PLPPR4: variants seen among roughly 807,000 people sequenced by gnomAD.
PLPPR4 encodes phospholipid phosphatase related 4.
Under a neutral mutation model 56.6 loss-of-function variants are expected in PLPPR4, and 24 were observed. The ratio of observed to expected loss-of-function variants is 0.42; its 90% confidence interval spans 0.31 to 0.60. The LOEUF (loss-of-function observed/expected upper bound fraction) is 0.60, where lower values mean the gene tolerates loss of function less well. Ranked by LOEUF, PLPPR4 falls within the 20% of genes least tolerant of loss-of-function variation. The pLI is 0.13. For synonymous variants in PLPPR4, 326 were observed against 328.1 expected, an observed-to-expected ratio of 0.99 and a Z score of 0.07; for missense variants, 654 against 885.8, an observed-to-expected ratio of 0.74 and a Z score of 3.32.
In PLPPR4 at chr1:99,306,950, C is replaced by G. The variant is rs773407458; in HGVS notation, c.2088C>G (p.Pro696=). Reference sequence around the variant, plus strand: ...TAATCCCTGAAAGAAGCAACAGCCCCGAAAACACTAGAAATATCTTCTACA... The same window carrying G: ...TAATCCCTGAAAGAAGCAACAGCCCGGAAAACACTAGAAATATCTTCTACA... ...IILIPERSNS[P]ENTRNIFYKG... is the part of the protein sequence containing the mutation. Residue 696 remains proline (P), a synonymous_variant, in exon 7 of 7, where the codon CCC becomes CCG. Transcript: ENST00000370185. The surrounding 1 kb of genome is among the most constrained non-coding windows in gnomAD (Gnocchi z 4.0). The G allele has an allele frequency of 3.7e-6, 6 of 1,613,140 alleles. No homozygotes were observed. The highest frequency in any genetic ancestry group is 5.1e-6 in the Non-Finnish European group (6 of 1,179,952).
At chr1:99,278,203 GGAAGCCAGATTTCTTGA>G (rs1255191824) in intron 1 of PLPPR4, among the ~76,000 whole-genome samples, 2 of 152,092 alleles carry the variant, frequency 1.3e-5, no homozygotes, top group Admixed American at 6.6e-5. Context: ...ACATGAATTG[GGAAGCCAGATTTCTTGA>G]GTTTGTAATC....
In PLPPR4 at chr1:99,296,671, C is replaced by T. The variant is rs1659749513; in HGVS notation, c.265-67C>T. On this transcript the variant is annotated intron_variant, in intron 2 of 6. Transcript: ENST00000370185. ...TATGTTAAAAAGTGATATATAATTC[C>T]TTTATACCTGTTGGCTTAATAGGTA... 3.7e-6 allele frequency: 5 copies of T among 1,344,720 alleles called. No homozygotes were observed. The Admixed American group carries it at 6.7e-5, about 18-fold the overall frequency. The allele number at this position is 1,344,720 out of a possible 1,614,324, so 83.3% of individuals were successfully genotyped here. A position where few individuals can be genotyped will look rare whatever the true frequency, so the allele number is the denominator to read the frequency against.
chr1:99,287,495 T>TA (rs1468504014), intron 1 of PLPPR4, among the ~76,000 whole-genome samples: 6 of 152,194 alleles, frequency 3.9e-5, no homozygotes, highest in Non-Finnish European at 2.9e-5. Flanking sequence ...TAAACTAATT[T>TA]ACATTCCCAC....
At position 99,293,081 on chromosome 1, in the gene PLPPR4, T is replaced by C. The variant is rs190504075; in HGVS notation, c.265-3657T>C. Reference sequence around the variant, plus strand: ...AGAACTCTCCGTTTGGGAATGAGTGTCCAAAAGGACTTGTGTGAGGAGAGC... The same window carrying C: ...AGAACTCTCCGTTTGGGAATGAGTGCCCAAAAGGACTTGTGTGAGGAGAGC... On this transcript the variant is annotated intron_variant, in intron 2 of 6. Coordinates refer to ENST00000370185, the MANE Select transcript of PLPPR4 (RefSeq NM_014839.5). Among the ~76,000 whole-genome samples, 245 of 152,132 alleles carry C rather than the reference T, an allele frequency of 1.6e-3. 1 individual carries two copies. The highest frequency in any genetic ancestry group is 2.6e-3 in the Non-Finnish European group (179 of 68,002).
At chr1:99,273,156 T>C (rs1464847823) in intron 1 of PLPPR4, among the ~76,000 whole-genome samples, 2 of 152,066 alleles carry the variant, frequency 1.3e-5, no homozygotes, top group Non-Finnish European at 2.9e-5. Context: ...CATTGAGGTG[T>C]TTTTCTTACC....
At chr1:99,263,782 A>T (rs774371474), upstream of PLPPR4, among the ~76,000 whole-genome samples, 1 of 152,218 alleles carries the variant, frequency 6.6e-6, no homozygotes, top group Non-Finnish European at 1.5e-5. Flanking sequence ...AGATTAGAAC[A>T]TACAGTAGCC....
chr1:99,285,932 G>C (rs1659452451), intron 1 of PLPPR4, among the ~76,000 whole-genome samples: 1 of 152,178 alleles, frequency 6.6e-6, no homozygotes, highest in Non-Finnish European at 1.5e-5. Context: ...TTAGCTGAGA[G>C]CAGGTCTCTC....
intron 1 of PLPPR4, among the ~76,000 whole-genome samples, chr1:99,283,292 A>G (rs543524219): frequency 6.6e-6 from 1 of 152,260 alleles, no homozygotes; most frequent in Admixed American, 6.5e-5. Flanking sequence ...GTATTGCCCT[A>G]GGCTCAGAGC....
rs756465925 is a variant in PLPPR4 at position 99,306,667 on chromosome 1, A to G, written c.1805A>G (p.Lys602Arg). ...GAAGGCAGTGGCTCCTGGAAGTGGA[A>G]AGCCCCTGAAAAGGGCAGCCTTCGC... ...EGEGSGSWKW[K>R]APEKGSLRQT... Residue 602 changes from lysine (K) to arginine (R), a missense_variant, in exon 7 of 7, where the codon AAA becomes AGA. Physicochemically the swap from Lys to Arg is conservative, Grantham distance 26. Coordinates refer to ENST00000370185, the MANE Select transcript of PLPPR4 (RefSeq NM_014839.5). The surrounding 1 kb of genome is among the most constrained non-coding windows in gnomAD (Gnocchi z 4.0). 1 of 1,614,160 alleles carries G rather than the reference A, an allele frequency of 6.2e-7. No individual in the cohort carries two copies. The highest frequency in any genetic ancestry group is 8.5e-7 in the Non-Finnish European group (1 of 1,180,020).
At chr1:99,286,121 T>C (rs1423897959) in intron 1 of PLPPR4, among the ~76,000 whole-genome samples, 1 of 152,188 alleles carries the variant, frequency 6.6e-6, no homozygotes, top group Non-Finnish European at 1.5e-5. Context: ...TGAGACCCAG[T>C]GAAGTCAGGA....
At chr1:99,297,647 G>A (rs1415894096) in intron 3 of PLPPR4, among the ~76,000 whole-genome samples, 2 of 152,004 alleles carry the variant, frequency 1.3e-5, no homozygotes, top group Non-Finnish European at 2.9e-5. Context: ...ATCCCTAGTA[G>A]ATAATTATAC....
intron 4 of PLPPR4, 117 bp downstream of exon 4, chr1:99,299,347 T>A: frequency 1.4e-6 from 1 of 736,000 alleles, no homozygotes; most frequent in Non-Finnish European, 2.2e-6. Context: ...TATTTTTCTT[T>A]TCAATTCAAT....
At chr1:99,298,654 C>G (rs1421216252) in intron 3 of PLPPR4, among the ~76,000 whole-genome samples, 1 of 152,070 alleles carries the variant, frequency 6.6e-6, no homozygotes, top group African/African-American at 2.4e-5. Context: ...GAGAAATAAC[C>G]CTGGCAACTT....
At chr1:99,291,993 T>C (rs929295342) in intron 2 of PLPPR4, among the ~76,000 whole-genome samples, 6 of 152,056 alleles carry the variant, frequency 3.9e-5, no homozygotes, top group African/African-American at 1.4e-4. Flanking sequence ...AAATGTATCA[T>C]ACTGTCACAC....
At chr1:99,264,252 G>C (rs1658830685), upstream of PLPPR4, 1 of 565,624 alleles carries the variant, frequency 1.8e-6, no homozygotes, top group Non-Finnish European at 3.1e-6. Context: ...TTGGAGCGTC[G>C]CAAGGGCGGT....
chr1:99,305,675 C>A lies in PLPPR4; in HGVS notation c.823-10C>A, dbSNP rs552184804. On this transcript the variant is annotated splice_polypyrimidine_tract_variant and intron_variant, in intron 6 of 6. Transcript: ENST00000370185. Reference sequence around the variant, plus strand: ...GTGCATGATATTTATTGCTTTCTCTCAAACACTAGGGCTTGTATGCTGTGG... The same window carrying A: ...GTGCATGATATTTATTGCTTTCTCTAAAACACTAGGGCTTGTATGCTGTGG... The A allele has an allele frequency of 1.5e-5, 24 of 1,603,480 alleles. No individual in the cohort carries two copies. In the African/African-American group the frequency reaches 2.8e-4, roughly 19 times the overall value.
At position 99,305,724 on chromosome 1, in the gene PLPPR4, A is replaced by G. The variant is rs1557784014; in HGVS notation, c.862A>G (p.Ser288Gly). ...AVGNFLPSDE[S>G]MFQHRDALRS... Reference sequence around the variant, plus strand: ...GGGGAATTTCCTGCCCAGTGATGAGAGTATGTTTCAGCACAGAGACGCCCT... The same window carrying G: ...GGGGAATTTCCTGCCCAGTGATGAGGGTATGTTTCAGCACAGAGACGCCCT... Residue 288 changes from serine to glycine, a missense_variant, in exon 7 of 7, where the codon AGT (serine) becomes GGT (glycine). Transcript: ENST00000370185. 6.2e-7 allele frequency: 1 copy of G among 1,613,918 alleles called. No homozygotes were observed. The highest frequency in any genetic ancestry group is 1.7e-5 in the Admixed American group (1 of 59,994).
At chr1:99,293,427 A>T (rs1659670709) in intron 2 of PLPPR4, among the ~76,000 whole-genome samples, 1 of 152,140 alleles carries the variant, frequency 6.6e-6, no homozygotes, top group African/African-American at 2.4e-5. Context: ...TTTACTTTAG[A>T]GTGATAAAAC....
At chr1:99,270,170 A>G (rs906641590) in intron 1 of PLPPR4, among the ~76,000 whole-genome samples, 1 of 151,936 alleles carries the variant, frequency 6.6e-6, no homozygotes, top group Non-Finnish European at 1.5e-5. Context: ...GACTACAGGC[A>G]TGCACCACCA....
Sources: allele counts gnomAD v4.1 joint callset (sites outside exome capture counted in the v4.1 genomes callset), GRCh38; gene constraint gnomAD v4.1.1; non-coding constraint Gnocchi (gnomAD v3.1); transcripts MANE v1.5; gene names NCBI Gene and HGNC (gene_info 2026-07-23, HGNC 2026-07-21).